The following FRK variants were observed in gnomAD, a reference collection of about 807,000 sequenced individuals.
The protein encoded by FRK is fyn related Src family tyrosine kinase.
Under a neutral mutation model 56.4 loss-of-function variants are expected in FRK, and 51 were observed. The observed-to-expected ratio is 0.90, with a 90% CI of 0.72 to 1.14. The LOEUF (loss-of-function observed/expected upper bound fraction) is 1.14, where lower values mean the gene tolerates loss of function less well. Ranked by LOEUF, FRK falls within the 50% of genes most tolerant of loss-of-function variation. The pLI is 0.00. For missense variants in FRK, 570 were observed against 601.4 expected (o/e 0.95, Z 0.55); for synonymous variants, 245 against 217.9 (o/e 1.12, Z -1.10).
chr6:116,096,236 CT>C, the FRK span, among the ~76,000 whole-genome samples: 3 of 152,178 alleles, frequency 2.0e-5, no homozygotes, highest in South Asian at 4.1e-4. Context: ...TTCTTTGCCC[CT>C]ATCCCACAGG....
At chr6:116,045,750 A>G (rs986631222) in intron 1 of FRK, among the ~76,000 whole-genome samples, 8 of 152,224 alleles carry the variant, frequency 5.3e-5, no homozygotes, top group Admixed American at 4.6e-4. Flanking sequence ...TTCATGACTA[A>G]AACACCAAAA....
At position 116,032,461 on chromosome 6, in the gene FRK, G is replaced by GA. The variant is rs371875466; in HGVS notation, c.344+27506dup. 6.4e-3 allele frequency among the ~76,000 whole-genome samples: 965 copies of GA among 151,850 alleles called. 9 individuals are homozygous for GA. The highest frequency in any genetic ancestry group is 0.022 in the African/African-American group (907 of 41,474). On this transcript the variant is annotated intron_variant, in intron 1 of 7. Coordinates refer to ENST00000606080, the MANE Select transcript of FRK (RefSeq NM_002031.3). ...GTGATCATTACAGAATAAGTATAGA[G>GA]AAAAAAAATCAAGATTCACATGGCA... is the stretch of plus-strand genomic sequence containing the variant.
At position 115,939,463 on chromosome 6, in the gene FRK, T is replaced by C. The variant is rs1772114674; in HGVS notation, c.*2951A>G. 2 of 152,096 alleles carry C rather than the reference T, an allele frequency of 1.3e-5. No homozygotes were observed. Among genetic ancestry groups the C allele is most frequent in the South Asian group, 4.2e-4 (2 of 4,816 alleles). 9.4% of individuals were successfully genotyped at this position (152,096 alleles called of 1,614,324 possible). A position where few individuals can be genotyped will look rare whatever the true frequency, so the allele number is the denominator to read the frequency against. ...CTCTCACCACTCCTGTTCAAAATAG[T>C]ATTGAAAGTTCTGGCCAGGGCAATC... is the stretch of plus-strand genomic sequence containing the variant. On this transcript the variant is annotated 3_prime_UTR_variant, in exon 8 of 8. Coordinates refer to ENST00000606080, the MANE Select transcript of FRK (RefSeq NM_002031.3).
At chr6:115,971,036 T>A (rs982505953) in intron 2 of FRK, among the ~76,000 whole-genome samples, 1 of 152,210 alleles carries the variant, frequency 6.6e-6, no homozygotes, top group Non-Finnish European at 1.5e-5. Context: ...CCTGGATGAA[T>A]TCACTTTGTA....
chr6:116,016,387 A>T (rs1478297189), intron 1 of FRK, among the ~76,000 whole-genome samples: 1 of 152,240 alleles, frequency 6.6e-6, no homozygotes, highest in Non-Finnish European at 1.5e-5. Context: ...TGGATATTCC[A>T]ATTCAGATTA....
At chr6:116,069,781 T>C in the FRK span, among the ~76,000 whole-genome samples, 3 of 152,130 alleles carry the variant, frequency 2.0e-5, no homozygotes, top group East Asian at 3.8e-4. Flanking sequence ...GATTTGGGCT[T>C]CCTCCTGTCT....
At chr6:116,066,215 A>C in the FRK span, among the ~76,000 whole-genome samples, 26 of 152,292 alleles carry the variant, frequency 1.7e-4, no homozygotes, top group African/African-American at 6.3e-4. Context: ...GCAAATAAAA[A>C]GCAGGCAGAA....
chr6:115,998,800 T>A (rs1215834657), intron 2 of FRK, among the ~76,000 whole-genome samples: 3 of 152,226 alleles, frequency 2.0e-5, no homozygotes, highest in African/African-American at 7.2e-5. Context: ...ATATGTCAAC[T>A]CCTAGATGCA....
chr6:116,084,389 G>C, the FRK span, among the ~76,000 whole-genome samples: 1 of 152,284 alleles, frequency 6.6e-6, no homozygotes, highest in South Asian at 2.1e-4. Flanking sequence ...GATCATGGCT[G>C]GACTCATTCA....
intron 1 of FRK, among the ~76,000 whole-genome samples, chr6:116,007,592 T>A (rs1211618202): frequency 6.6e-6 from 1 of 152,186 alleles, no homozygotes; most frequent in Non-Finnish European, 1.5e-5. Context: ...ATTTCTTATT[T>A]TAAACTAGTA....
rs1173872484 is a variant in FRK, at chr6:115,956,526, A to G, written c.884T>C (p.Val295Ala). ...RHPKLIQLYA[V>A]CTLEDPIYII... is the part of the protein sequence containing the mutation. ...ATAAATTGGATCTTCTAAAGTGCAA[A>G]CAGCATAAAGCTGGATAAGCTTTGG... Residue 295 changes from valine (V) to alanine (A), a missense_variant, in exon 5 of 8, where the codon GTT (valine) becomes GCT (alanine). Physicochemically the swap from Val to Ala is moderately conservative, Grantham distance 64. Coordinates refer to ENST00000606080, the MANE Select transcript of FRK (RefSeq NM_002031.3). 1 of 1,594,918 alleles carries G rather than the reference A, an allele frequency of 6.3e-7. No homozygotes were observed. The highest frequency in any genetic ancestry group is 8.5e-7 in the Non-Finnish European group (1 of 1,170,926).
At chr6:116,007,453 G>A (rs1035952008) in intron 1 of FRK, among the ~76,000 whole-genome samples, 1 of 152,112 alleles carries the variant, frequency 6.6e-6, no homozygotes, top group Non-Finnish European at 1.5e-5. Context: ...CTTCTATTTC[G>A]CATGCCACAG....
At chr6:115,948,480 A>G (rs1772554874) in intron 5 of FRK, among the ~76,000 whole-genome samples, 2 of 152,276 alleles carry the variant, frequency 1.3e-5, no homozygotes, top group Middle Eastern at 3.4e-3. Flanking sequence ...TAAGTTTTAC[A>G]AGTTTCTCCA....
chr6:116,042,438 C>T (rs1350826066), intron 1 of FRK, among the ~76,000 whole-genome samples: 1 of 152,094 alleles, frequency 6.6e-6, no homozygotes, highest in Admixed American at 6.5e-5. Flanking sequence ...ATTCAACATT[C>T]CTAAAGAAAA....
intron 1 of FRK, among the ~76,000 whole-genome samples, chr6:116,011,131 A>G (rs933321616): frequency 6.6e-6 from 1 of 152,238 alleles, no homozygotes; most frequent in Non-Finnish European, 1.5e-5. Flanking sequence ...CAACATTTAC[A>G]TAAGATAAAT....
the FRK span, among the ~76,000 whole-genome samples, chr6:116,095,907 T>C: frequency 6.6e-6 from 1 of 152,202 alleles, no homozygotes; most frequent in African/African-American, 2.4e-5. Context: ...CCAGCATTTA[T>C]AGGAAAAGGC....
At chr6:116,046,888 A>G (rs180678556) in intron 1 of FRK, among the ~76,000 whole-genome samples, 41 of 152,172 alleles carry the variant, frequency 2.7e-4, no homozygotes, top group African/African-American at 9.4e-4. Context: ...GGTATTAAAA[A>G]TGTAGATTCA....
chr6:115,983,212 A>T (rs1365887457), intron 2 of FRK, among the ~76,000 whole-genome samples: 1 of 152,158 alleles, frequency 6.6e-6, no homozygotes, highest in South Asian at 2.1e-4. Flanking sequence ...TAGTTTATGA[A>T]GAGATCAAGT....
intron 1 of FRK, among the ~76,000 whole-genome samples, chr6:116,048,177 T>C (rs1004269858): frequency 1.3e-5 from 2 of 152,232 alleles, no homozygotes; most frequent in Non-Finnish European, 2.9e-5. Context: ...TTTTACAGAA[T>C]AGAGTTGGCT....
Sources: gnomAD v4.1 joint callset for allele counts (sites outside exome capture counted in the v4.1 genomes callset) on GRCh38, gnomAD v4.1.1 for gene constraint, MANE v1.5 for transcripts, NCBI Gene and HGNC (gene_info 2026-07-23, HGNC 2026-07-21) for gene names.